Variants in BCAS3 observed in about 807,000 individuals in gnomAD.
BCAS3 encodes the protein BCAS4/BCAS3 fusion.
BCAS3 carries 53 observed loss-of-function variants against 116.1 expected under a neutral mutation model. The observed-to-expected ratio is 0.46, with a 90% CI of 0.37 to 0.57. BCAS3 has a LOEUF of 0.57. BCAS3 is among the 20% of genes least tolerant of loss of function. The probability of loss-of-function intolerance (pLI) is 0.00; values close to 1 mark genes in which losing one functional copy is unlikely to be tolerated. For synonymous variants in BCAS3, 391 were observed against 408.2 expected (o/e 0.96, Z 0.51); for missense variants, 917 against 1,165.4 (o/e 0.79, Z 3.10).
chr17:61,036,048 C>G (rs752856964), intron 17 of BCAS3, among the ~76,000 whole-genome samples: 27 of 152,292 alleles, frequency 1.8e-4, no homozygotes, highest in Admixed American at 1.3e-3. Flanking sequence ...GCTTTGATCA[C>G]CAGGGTCAAT....
At chr17:60,979,665 G>A (rs374521414) in intron 14 of BCAS3, among the ~76,000 whole-genome samples, 9,954 of 150,668 alleles carry the variant, frequency 0.066, 1,142 homozygotes, top group African/African-American at 0.23. Context: ...TTTGAAATAC[G>A]TCCCATCAAT....
intron 3 of BCAS3, among the ~76,000 whole-genome samples, chr17:60,688,403 G>A (rs1598050589): frequency 6.6e-6 from 1 of 152,020 alleles, no homozygotes; most frequent in Admixed American, 6.6e-5. Flanking sequence ...AGATTCAGGT[G>A]ATCCTCCCAT....
intron 22 of BCAS3, among the ~76,000 whole-genome samples, chr17:61,172,126 A>C (rs1157168483): frequency 1.3e-5 from 2 of 152,256 alleles, no homozygotes; most frequent in Non-Finnish European, 2.9e-5. Context: ...ATAGAACTAC[A>C]TGTAGAATTG....
chr17:61,233,881 T>C lies in BCAS3; in HGVS notation c.2426-134446T>C, dbSNP rs2082838408. On this transcript the variant is annotated intron_variant, in intron 22 of 23. Transcript: ENST00000407086. This position sits in a 1 kb window ranked among gnomAD's most constrained non-coding sequence, Gnocchi z 4.3. ...TTCAGTTCTGGCCCCTGAGGCTCTT[T>C]CCTGTCTAGTTGAGCTTTCTTTAAG... Among the ~76,000 whole-genome samples the C allele has an allele frequency of 6.6e-6, 1 of 152,178 alleles. No individual in the cohort carries two copies. The highest frequency in any genetic ancestry group is 1.5e-5 in the Non-Finnish European group (1 of 68,022).
intron 16 of BCAS3, among the ~76,000 whole-genome samples, chr17:61,031,287 T>A (rs928768041): frequency 2.0e-5 from 3 of 152,088 alleles, no homozygotes; most frequent in African/African-American, 7.2e-5. Flanking sequence ...CATTCACGTA[T>A]GTATCATTTT....
intron 19 of BCAS3, among the ~76,000 whole-genome samples, chr17:61,045,299 A>C (rs747013460): frequency 6.6e-6 from 1 of 151,700 alleles, no homozygotes. Flanking sequence ...GTTTGTGGCC[A>C]GAAGTTCAAG....
rs186300839 is a variant in BCAS3 at position 60,813,133 on chromosome 17, A to T, written c.476+5057A>T. ...GGACCCAGGCTTTTGCTTGACCCTCAAGCTATGTTCTTTCCAGTAACCATA... is the reference window on the plus strand; with the variant it reads ...GGACCCAGGCTTTTGCTTGACCCTCTAGCTATGTTCTTTCCAGTAACCATA... On this transcript the variant is annotated intron_variant, in intron 7 of 23. Coordinates refer to ENST00000407086, the MANE Select transcript of BCAS3 (RefSeq NM_017679.5). Among the ~76,000 whole-genome samples the T allele has an allele frequency of 6.8e-4, 103 of 152,142 alleles. 1 individual carries two copies. The highest frequency in any genetic ancestry group is 1.6e-4 in the Non-Finnish European group (11 of 67,990).
intron 7 of BCAS3, among the ~76,000 whole-genome samples, chr17:60,854,404 G>A (rs1415619522): frequency 3.3e-5 from 5 of 152,076 alleles, no homozygotes; most frequent in Admixed American, 2.0e-4. Context: ...AATCCTTTGG[G>A]TATATACCCA....
intron 22 of BCAS3, among the ~76,000 whole-genome samples, chr17:61,201,780 A>G (rs1353008279): frequency 7.3e-6 from 1 of 136,510 alleles, no homozygotes; most frequent in Admixed American, 7.2e-5. Context: ...TTTTTTTGAG[A>G]CAGGGTCTCG....
chr17:60,706,214 C>T (rs1395838501), intron 4 of BCAS3, among the ~76,000 whole-genome samples: 1 of 151,970 alleles, frequency 6.6e-6, no homozygotes, highest in East Asian at 1.9e-4. Flanking sequence ...AGGCACCCAC[C>T]ACCACGCCCG....
At position 61,011,496 on chromosome 17, in the gene BCAS3, C is replaced by G. The variant is rs143462637; in HGVS notation, c.1487-4255C>G. On this transcript the variant is annotated intron_variant, in intron 15 of 23. Coordinates refer to ENST00000407086, the MANE Select transcript of BCAS3 (RefSeq NM_017679.5). Reference sequence around the variant, plus strand: ...AGCAGAATAGTGAAAGCCGCAGACTCCAGTCATCTGGCAACCTTCTGAAGT... The same window carrying G: ...AGCAGAATAGTGAAAGCCGCAGACTGCAGTCATCTGGCAACCTTCTGAAGT... Among the ~76,000 whole-genome samples the G allele has an allele frequency of 7.0e-3, 1,069 of 152,166 alleles. 8 individuals carry two copies. The highest frequency in any genetic ancestry group is 0.024 in the Middle Eastern group (7 of 294).
chr17:61,342,725 T>A (rs72834644), intron 22 of BCAS3, among the ~76,000 whole-genome samples: 1 of 151,768 alleles, frequency 6.6e-6, no homozygotes, highest in Non-Finnish European at 1.5e-5. Flanking sequence ...GTTTCTATCA[T>A]GTACTGTATG....
Position 61,004,206 on chromosome 17 carries a change from A to G in BCAS3, c.1487-11545A>G, listed in dbSNP as rs569501226. 2.0e-5 allele frequency among the ~76,000 whole-genome samples: 3 copies of G among 152,274 alleles called. No individual in the cohort carries two copies. The highest frequency in any genetic ancestry group is 3.9e-4 in the East Asian group (2 of 5,176). ...GGTCTGGTTCCACTGAAATAAAAATATTTCTATGGAAATCTGGAGATGGAA... is the reference window on the plus strand; with the variant it reads ...GGTCTGGTTCCACTGAAATAAAAATGTTTCTATGGAAATCTGGAGATGGAA... On this transcript the variant is annotated intron_variant, in intron 15 of 23. Coordinates refer to ENST00000407086, the MANE Select transcript of BCAS3 (RefSeq NM_017679.5). The surrounding 1 kb of genome is among the most constrained non-coding windows in gnomAD (Gnocchi z 4.8).
intron 22 of BCAS3, among the ~76,000 whole-genome samples, chr17:61,091,050 G>A (rs928088528): frequency 1.2e-4 from 18 of 152,154 alleles, no homozygotes; most frequent in African/African-American, 4.3e-4. Context: ...AAAAATGATA[G>A]CCCCATTTGA....
rs947168363 is a variant in BCAS3, at chr17:61,327,419, A to G, written c.2426-40908A>G. On this transcript the variant is annotated intron_variant, in intron 22 of 23. Coordinates refer to ENST00000407086, the MANE Select transcript of BCAS3 (RefSeq NM_017679.5). The surrounding 1 kb of genome is among the most constrained non-coding windows in gnomAD (Gnocchi z 5.9). ...GTTAATATAATAAATGTAAATGTTT[A>G]TGACATCATAGAATTGTAATGAGAC... is the stretch of plus-strand genomic sequence containing the variant. Among the ~76,000 whole-genome samples the G allele has an allele frequency of 1.3e-5, 2 of 152,256 alleles. No individual in the cohort carries two copies. Among genetic ancestry groups the G allele is most frequent in the Non-Finnish European group, 2.9e-5 (2 of 68,050 alleles).
intron 14 of BCAS3, among the ~76,000 whole-genome samples, chr17:60,985,170 A>G (rs2063062795): frequency 7.9e-6 from 1 of 126,146 alleles, no homozygotes; most frequent in African/African-American, 3.3e-5. Flanking sequence ...TTTGAGACAG[A>G]GTTTCACTCT....
intron 22 of BCAS3, among the ~76,000 whole-genome samples, chr17:61,155,395 T>G (rs1416575416): frequency 6.6e-6 from 1 of 152,144 alleles, no homozygotes; most frequent in African/African-American, 2.4e-5. Flanking sequence ...GATTTATTGT[T>G]TTATCAACAG....
chr17:60,825,899 C>T (rs1002700393), intron 7 of BCAS3, among the ~76,000 whole-genome samples: 8 of 150,138 alleles, frequency 5.3e-5, no homozygotes, highest in African/African-American at 2.0e-4. Flanking sequence ...GCACCGTCAC[C>T]CAGGCTGGAG....
At chr17:61,268,516 A>C (rs1464621948) in intron 22 of BCAS3, among the ~76,000 whole-genome samples, 1 of 152,196 alleles carries the variant, frequency 6.6e-6, no homozygotes, top group Admixed American at 6.5e-5. Context: ...TTCATCATAC[A>C]AAACTGAAAC....
Sources: gnomAD v4.1 joint callset for allele counts (sites outside exome capture counted in the v4.1 genomes callset) on GRCh38, gnomAD v4.1.1 for gene constraint, Gnocchi (gnomAD v3.1) non-coding constraint, MANE v1.5 for transcripts, NCBI Gene and HGNC (gene_info 2026-07-23, HGNC 2026-07-21) for gene names.